Variants in LEKR1 observed in about 807,000 individuals in gnomAD.
LEKR1 encodes the protein leucine, glutamate and lysine rich 1.
Under a neutral mutation model 72.4 loss-of-function variants are expected in LEKR1, and 59 were observed. That is an observed-to-expected ratio of 0.82 (90% CI 0.66 to 1.01). The LOEUF (loss-of-function observed/expected upper bound fraction) is 1.01. Among genes scored for constraint, LEKR1 ranks in the 50% least tolerant of loss-of-function variants. LEKR1 has a pLI of 0.00. For synonymous variants in LEKR1, 257 were observed against 263.2 expected (o/e 0.98, Z 0.23); for missense variants, 728 against 759.2 (o/e 0.96, Z 0.48).
chr3:156,906,991 C>G (rs1275459537), intron 3 of LEKR1, among the ~76,000 whole-genome samples: 1 of 152,034 alleles, frequency 6.6e-6, no homozygotes, highest in Non-Finnish European at 1.5e-5. Context: ...TAGCAGTGTA[C>G]TATATAAACT....
intron 3 of LEKR1, among the ~76,000 whole-genome samples, chr3:156,880,325 C>A (rs1006817243): frequency 6.6e-6 from 1 of 152,122 alleles, no homozygotes; most frequent in African/African-American, 2.4e-5. Flanking sequence ...GATATCACCA[C>A]CAATCCCACA....
At chr3:157,007,466 G>T (rs1732549951) in intron 9 of LEKR1, among the ~76,000 whole-genome samples, 1 of 152,212 alleles carries the variant, frequency 6.6e-6, no homozygotes, top group South Asian at 2.1e-4. Flanking sequence ...CCCTCCTTTA[G>T]CGTAGGCTTC....
intron 3 of LEKR1, among the ~76,000 whole-genome samples, chr3:156,919,723 A>T (rs1031028740): frequency 6.6e-5 from 10 of 152,194 alleles, no homozygotes; most frequent in African/African-American, 2.4e-4. Context: ...AATTAAGCTA[A>T]ACATCCCATT....
intron 3 of LEKR1, among the ~76,000 whole-genome samples, chr3:156,878,689 C>T (rs1261545229): frequency 2.0e-5 from 3 of 152,076 alleles, no homozygotes; most frequent in Non-Finnish European, 4.4e-5. Context: ...TGTTGACTTT[C>T]TGTCTTGATG....
At chr3:156,961,445 C>T (rs1384864605) in intron 6 of LEKR1, among the ~76,000 whole-genome samples, 7 of 152,200 alleles carry the variant, frequency 4.6e-5, no homozygotes, top group African/African-American at 1.7e-4. Context: ...ACTCCTGCCC[C>T]TTTCCAACAA....
intron 7 of LEKR1, among the ~76,000 whole-genome samples, chr3:156,991,779 T>C (rs1731160102): frequency 6.6e-6 from 1 of 152,240 alleles, no homozygotes; most frequent in Non-Finnish European, 1.5e-5. Context: ...TCTTCAAAAA[T>C]CTTTGTCTGC....
chr3:156,880,546 T>A (rs1324136751), intron 3 of LEKR1, among the ~76,000 whole-genome samples: 1 of 152,124 alleles, frequency 6.6e-6, no homozygotes, highest in Non-Finnish European at 1.5e-5. Context: ...ACCAGATGGA[T>A]TCACAGCTGA....
At chr3:157,034,788 A>C (rs987458549) in intron 12 of LEKR1, among the ~76,000 whole-genome samples, 8 of 152,144 alleles carry the variant, frequency 5.3e-5, no homozygotes, top group African/African-American at 1.9e-4. Context: ...TTGATGTGGC[A>C]AACATCATTG....
intron 6 of LEKR1, among the ~76,000 whole-genome samples, chr3:156,959,020 T>C (rs922757518): frequency 6.6e-6 from 1 of 152,232 alleles, no homozygotes; most frequent in Non-Finnish European, 1.5e-5. Flanking sequence ...TGTTATTAGC[T>C]GACTTATGTC....
intron 7 of LEKR1, among the ~76,000 whole-genome samples, chr3:156,983,230 G>A (rs976595740): frequency 1.3e-4 from 20 of 152,172 alleles, no homozygotes; most frequent in South Asian, 4.1e-4. Context: ...AAACTCTACT[G>A]AGGAATAACC....
chr3:156,895,798 C>G (rs554192879), intron 3 of LEKR1, among the ~76,000 whole-genome samples: 1 of 152,090 alleles, frequency 6.6e-6, no homozygotes, highest in Non-Finnish European at 1.5e-5. Context: ...GAAGACAGTG[C>G]GCTGATTCCT....
chr3:156,897,739 G>A (rs1237734740), intron 3 of LEKR1, among the ~76,000 whole-genome samples: 1 of 152,168 alleles, frequency 6.6e-6, no homozygotes, highest in Non-Finnish European at 1.5e-5. Context: ...GATCACCTGA[G>A]GTCAGGAGTT....
At chr3:156,945,737 C>G (rs138851033) in intron 6 of LEKR1, among the ~76,000 whole-genome samples, 79 of 151,460 alleles carry the variant, frequency 5.2e-4, no homozygotes, top group African/African-American at 1.9e-3. Flanking sequence ...TCTTGGCACT[C>G]TTGTCAAAAA....
rs112425873 is a variant in LEKR1, at chr3:156,956,963, T to C, written c.745+14249T>C. 4.6e-3 allele frequency among the ~76,000 whole-genome samples: 700 copies of C among 152,160 alleles called. 3 individuals carry two copies. The highest frequency in any genetic ancestry group is 0.016 in the African/African-American group (669 of 41,560). On this transcript the variant is annotated intron_variant, in intron 6 of 12. Coordinates refer to ENST00000356539, the MANE Select transcript of LEKR1 (RefSeq NM_001004316.3). ...AATAAAATTCTACTTTTTAAATTAGTACAAAGACTTTAATGGTAAAGTTTT... is the reference window on the plus strand; with the variant it reads ...AATAAAATTCTACTTTTTAAATTAGCACAAAGACTTTAATGGTAAAGTTTT...
intron 12 of LEKR1, among the ~76,000 whole-genome samples, chr3:157,034,141 A>G (rs1734810724): frequency 6.6e-6 from 1 of 152,186 alleles, no homozygotes; most frequent in Non-Finnish European, 1.5e-5. Flanking sequence ...CAAGGGGATT[A>G]ATGTTTTCAT....
chr3:156,915,813 T>A (rs1027303764), intron 3 of LEKR1, among the ~76,000 whole-genome samples: 1 of 152,212 alleles, frequency 6.6e-6, no homozygotes, highest in African/African-American at 2.4e-5. Context: ...GCTTTTGATG[T>A]CATTGTCAAG....
rs1560007784 is a variant in LEKR1, at chr3:156,829,276, A to G, written c.-44-10A>G. ...ATTTCTGTTCTGACTGTTGCCATCA[A>G]TGTTCTTAGATTTCCTTTGGCTTCA... On this transcript the variant is annotated splice_polypyrimidine_tract_variant and intron_variant, in intron 1 of 12. Coordinates refer to ENST00000356539, the MANE Select transcript of LEKR1 (RefSeq NM_001004316.3). 3 of 1,026,778 alleles carry G rather than the reference A, an allele frequency of 2.9e-6. No homozygotes were observed. Among genetic ancestry groups the G allele is most frequent in the East Asian group, 2.6e-5 (1 of 38,396 alleles). The allele number at this position is 1,026,778 out of a possible 1,614,324, so 63.6% of individuals were successfully genotyped here. A position where few individuals can be genotyped will look rare whatever the true frequency, so the allele number is the denominator to read the frequency against.
At chr3:156,841,014 C>A (rs1713834328) in intron 2 of LEKR1, among the ~76,000 whole-genome samples, 1 of 152,226 alleles carries the variant, frequency 6.6e-6, no homozygotes, top group African/African-American at 2.4e-5. Flanking sequence ...AGACCCTAAT[C>A]ACCTCTCAGG....
intron 12 of LEKR1, among the ~76,000 whole-genome samples, chr3:157,037,012 C>T (rs911715953): frequency 1.6e-4 from 24 of 152,012 alleles, no homozygotes; most frequent in African/African-American, 5.8e-4. Context: ...TGCTTATATA[C>T]TATAATCATA....
Sources: gnomAD v4.1 joint callset for allele counts (sites outside exome capture counted in the v4.1 genomes callset) on GRCh38, gnomAD v4.1.1 for gene constraint, MANE v1.5 for transcripts, NCBI Gene and HGNC (gene_info 2026-07-23, HGNC 2026-07-21) for gene names.